Variants in GOLGB1 observed in about 807,000 individuals in gnomAD.
The protein encoded by GOLGB1 is golgin subfamily B member 1.
A neutral mutation model predicts 336.9 loss-of-function variants in GOLGB1; 174 were observed. That is an observed-to-expected ratio of 0.52 (90% CI 0.46 to 0.59). The LOEUF (loss-of-function observed/expected upper bound fraction) is 0.59. GOLGB1 is among the 20% of genes least tolerant of loss of function. The probability of loss-of-function intolerance (pLI) is 0.00; values close to 1 mark genes in which losing one functional copy is unlikely to be tolerated. For synonymous variants in GOLGB1, 1,208 were observed against 1,289.2 expected (o/e 0.94, Z 1.35); for missense variants, 3,331 against 3,645.3 (o/e 0.91, Z 2.22).
At chr3:121,702,398 A>C in intron 11 of GOLGB1, 83 bp downstream of exon 11, 2 of 507,008 alleles carry the variant, frequency 3.9e-6, no homozygotes, top group Non-Finnish European at 6.9e-6. Context: ...AGAGAATTCT[A>C]CATGTTATAC....
chr3:121,715,010 G>T (rs1374736401), intron 9 of GOLGB1, 34 bp from the exon 10 acceptor site: 3 of 1,148,000 alleles, frequency 2.6e-6, no homozygotes, highest in African/African-American at 1.5e-5. Flanking sequence ...TGTAATATTT[G>T]CTTCAAGTCT....
intron 17 of GOLGB1, among the ~76,000 whole-genome samples, chr3:121,672,170 T>C (rs982479754): frequency 6.6e-6 from 1 of 152,242 alleles, no homozygotes; most frequent in South Asian, 2.1e-4. Flanking sequence ...CTGGATCATA[T>C]GGTAGTTCTA....
At chr3:121,688,819 G>A (rs1942075764) in intron 14 of GOLGB1, among the ~76,000 whole-genome samples, 1 of 150,588 alleles carries the variant, frequency 6.6e-6, no homozygotes, top group Admixed American at 6.6e-5. Flanking sequence ...GATGTGAGGA[G>A]CGCCTCTGCC....
chr3:121,679,290 A>G (rs1428648121), intron 15 of GOLGB1, among the ~76,000 whole-genome samples: 2 of 152,222 alleles, frequency 1.3e-5, no homozygotes, highest in African/African-American at 4.8e-5. Flanking sequence ...TCCAATCCCA[A>G]GCATTTCAGA....
At chr3:121,687,298 C>A (rs1941856077) in intron 14 of GOLGB1, among the ~76,000 whole-genome samples, 1 of 152,048 alleles carries the variant, frequency 6.6e-6, no homozygotes, top group Non-Finnish European at 1.5e-5. Flanking sequence ...GTCTTAAATG[C>A]CAGACTAAAG....
At chr3:121,720,312 C>G (rs1277520308) in intron 6 of GOLGB1, among the ~76,000 whole-genome samples, 1 of 152,224 alleles carries the variant, frequency 6.6e-6, no homozygotes. Context: ...TAAATCCACA[C>G]CACCTCCCCA....
Position 121,691,723 on chromosome 3 carries a change from T to G in GOLGB1, c.7641A>C (p.Gln2547His), listed in dbSNP as rs761130468. The G allele has an allele frequency of 1.2e-6, 2 of 1,612,876 alleles. No homozygotes were observed. The highest frequency in any genetic ancestry group is 3.3e-5 in the Admixed American group (2 of 59,754). ...GTTGGCTGTCCTTTATTGTTATCAC[T>G]TGGTTCAGGTCTTCTCTATATTGGA... ...ELIQYREDLN[Q>H]VITIKDSQQK... The change falls in exon 14 of 22, where the codon CAA becomes CAC. Residue 2547 changes from glutamine to histidine, a missense_variant. Transcript: ENST00000614479.
intron 1 of GOLGB1, among the ~76,000 whole-genome samples, chr3:121,742,307 A>G (rs1208683258): frequency 6.6e-6 from 1 of 152,228 alleles, no homozygotes; most frequent in African/African-American, 2.4e-5. Context: ...CTCAGAAATA[A>G]CACCACACAT....
intron 1 of GOLGB1, among the ~76,000 whole-genome samples, chr3:121,747,382 TAC>T (rs1576507461): frequency 6.8e-6 from 1 of 146,064 alleles, no homozygotes; most frequent in African/African-American, 2.5e-5. Flanking sequence ...TATGTCTATA[TAC>T]GTATATATAT....
rs762754733 is a variant in GOLGB1 at position 121,690,917 on chromosome 3, A to C, written c.8447T>G (p.Leu2816Arg). The change falls in exon 14 of 22, where the codon CTA becomes CGA. Residue 2816 changes from leucine (L) to arginine (R), a missense_variant. Leu to Arg is a moderately radical substitution (Grantham distance 102). Transcript: ENST00000614479. ...SHLEKLNQQL[L>R]SKDEQLLHLS... ...GTGAAGCAATTGCTCATCTTTGGAT[A>C]GGAGCTGTTGGTTAAGTTTCTCAAG... 3.7e-6 allele frequency: 6 copies of C among 1,613,944 alleles called. No individual in the cohort carries two copies. The highest frequency in any genetic ancestry group is 5.1e-6 in the Non-Finnish European group (6 of 1,179,882).
At chr3:121,677,055 G>T (rs766806535) in intron 16 of GOLGB1, 25 bp from the exon 17 acceptor site, 2 of 1,613,412 alleles carry the variant, frequency 1.2e-6, no homozygotes, top group African/African-American at 2.7e-5. Flanking sequence ...ACATTGATCA[G>T]ATTCTCTCCT....
At chr3:121,742,392 G>T (rs531842888) in intron 1 of GOLGB1, among the ~76,000 whole-genome samples, 52 of 152,300 alleles carry the variant, frequency 3.4e-4, no homozygotes, top group Middle Eastern at 3.4e-3. Flanking sequence ...AATAAATGGT[G>T]CTGGGAAAAC....
rs1461928492 is a variant in GOLGB1, at chr3:121,663,215, A to G, written c.*1265T>C. 1 of 152,172 alleles carries G rather than the reference A, an allele frequency of 6.6e-6. No individual in the cohort carries two copies. Among genetic ancestry groups the G allele is most frequent in the Non-Finnish European group, 1.5e-5 (1 of 68,050 alleles). The allele number at this position is 152,172 out of a possible 1,614,324, so 9.4% of individuals were successfully genotyped here. A position where few individuals can be genotyped will look rare whatever the true frequency, so the allele number is the denominator to read the frequency against. ...CACACAAACTCTTCATTCTGAAAAT[A>G]ATTTTATTATTTTACAGTTGTTCAG... On this transcript the variant is annotated 3_prime_UTR_variant, in exon 22 of 22. Transcript: ENST00000614479.
chr3:121,676,418 G>A (rs1940385029), intron 17 of GOLGB1, among the ~76,000 whole-genome samples: 1 of 152,186 alleles, frequency 6.6e-6, no homozygotes, highest in African/African-American at 2.4e-5. Context: ...TCTCCTCAAA[G>A]CTAATCTCTG....
intron 15 of GOLGB1, 46 bp downstream of exon 15, chr3:121,681,641 A>C: frequency 7.6e-7 from 1 of 1,314,334 alleles, no homozygotes; most frequent in Non-Finnish European, 1.1e-6. Context: ...TTCAAAATAA[A>C]AAGTTAAAAT....
At chr3:121,702,022 C>T (rs748800347) in intron 11 of GOLGB1, among the ~76,000 whole-genome samples, 2 of 152,036 alleles carry the variant, frequency 1.3e-5, no homozygotes, top group African/African-American at 4.8e-5. Flanking sequence ...AGGAAAGGAG[C>T]AGGATTCTAA....
At chr3:121,674,040 C>A (rs1474699690) in intron 17 of GOLGB1, among the ~76,000 whole-genome samples, 1 of 152,172 alleles carries the variant, frequency 6.6e-6, no homozygotes, top group African/African-American at 2.4e-5. Context: ...TTCTTGATTT[C>A]TTTTCCAGAT....
chr3:121,748,824 C>T, intron 1 of GOLGB1: 1 of 983,726 alleles, frequency 1.0e-6, no homozygotes, highest in Non-Finnish European at 1.2e-6. Context: ...TCAAACTGTC[C>T]GCTCCCCATA....
At chr3:121,689,608 C>A (rs1185546822) in intron 14 of GOLGB1, among the ~76,000 whole-genome samples, 1 of 149,594 alleles carries the variant, frequency 6.7e-6, no homozygotes, top group South Asian at 2.1e-4. Context: ...TATGACCCTG[C>A]CAAATCCCCC....
Sources: gnomAD v4.1 joint callset for allele counts (sites outside exome capture counted in the v4.1 genomes callset) on GRCh38, gnomAD v4.1.1 for gene constraint, MANE v1.5 for transcripts, NCBI Gene and HGNC (gene_info 2026-07-23, HGNC 2026-07-21) for gene names.